Variants in DST observed in about 807,000 individuals in gnomAD.
DST encodes dystonin.
In DST, 253 loss-of-function variants were observed where a neutral mutation model predicts 875.2. The observed-to-expected ratio is 0.29, with a 90% confidence interval of 0.26 to 0.32. The LOEUF (loss-of-function observed/expected upper bound fraction) is 0.32, where lower values mean the gene tolerates loss of function less well. Among genes scored for constraint, DST ranks in the 10% least tolerant of loss-of-function variants. The pLI is 1.00. For synonymous variants in DST, 3,124 were observed against 3,197.1 expected (o/e 0.98, Z 0.77); for missense variants, 8,287 against 9,111.6 (o/e 0.91, Z 3.68).
At chr6:56,572,547 A>G (rs1447461726) in intron 52 of DST, among the ~76,000 whole-genome samples, 200 bp downstream of exon 52, 2 of 152,238 alleles carry the variant, frequency 1.3e-5, no homozygotes, top group Non-Finnish European at 2.9e-5. Context: ...CATGTGATAA[A>G]TGATATTTAT....
At chr6:56,735,884 A>T (rs1175071208) in intron 4 of DST, among the ~76,000 whole-genome samples, 1 of 151,850 alleles carries the variant, frequency 6.6e-6, no homozygotes, top group African/African-American at 2.4e-5. Context: ...ATGGAATCTC[A>T]CTCTGTCACC....
At chr6:56,475,541 G>A (rs765233433) in intron 92 of DST, among the ~76,000 whole-genome samples, 39 of 152,158 alleles carry the variant, frequency 2.6e-4, no homozygotes, top group Non-Finnish European at 4.9e-4. Flanking sequence ...ATCAAAGTGA[G>A]TGTGACACCC....
chr6:56,764,589 T>G (rs910483688), intron 4 of DST, among the ~76,000 whole-genome samples: 2 of 152,150 alleles, frequency 1.3e-5, no homozygotes, highest in Admixed American at 6.5e-5. Context: ...ACTGCCTAGC[T>G]GACAGAAGAC....
chr6:56,514,659 G>C (rs1583643425), intron 72 of DST, among the ~76,000 whole-genome samples: 1 of 151,226 alleles, frequency 6.6e-6, no homozygotes, highest in South Asian at 2.1e-4. Flanking sequence ...ATTAGTCTCA[G>C]AGTACATTCT....
intron 68 of DST, among the ~76,000 whole-genome samples, chr6:56,527,184 C>CA (rs2096817992): frequency 6.6e-6 from 1 of 152,014 alleles, no homozygotes; most frequent in Non-Finnish European, 1.5e-5. Context: ...GTATTCCAAC[C>CA]AAATTATGTG....
chr6:56,771,737 A>G (rs1055276591), intron 4 of DST, among the ~76,000 whole-genome samples: 1 of 152,216 alleles, frequency 6.6e-6, no homozygotes, highest in Non-Finnish European at 1.5e-5. Context: ...GAAATCATTA[A>G]CAGTTTTTGG....
chr6:56,641,115 C>CAG (rs145412096), intron 17 of DST, among the ~76,000 whole-genome samples: 11,320 of 142,486 alleles, frequency 0.079, 784 homozygotes, highest in East Asian at 0.24. Context: ...TATTTATGCA[C>CAG]AGAGAGAGAG....
chr6:56,640,250 T>A lies in DST; in HGVS notation c.2383A>T (p.Ile795Phe). 1 of 1,614,208 alleles carries A rather than the reference T, an allele frequency of 6.2e-7. No individual in the cohort carries two copies. Among genetic ancestry groups the A allele is most frequent in the Non-Finnish European group, 8.5e-7 (1 of 1,180,022 alleles). The change falls in exon 18 of 104, where the codon ATC (isoleucine) becomes TTC (phenylalanine). Residue 795 changes from isoleucine to phenylalanine, a missense_variant. Coordinates refer to ENST00000680361, the MANE Select transcript of DST (RefSeq NM_001374736.1). ...NSLQTLKLMQ[I>F]RKPLLKSSLL... ...GAAGACTTTAGAAGGGGTTTTCGGA[T>A]CTGCATCAACTTCAAAGTTTGCAAT...
chr6:56,522,702 G>C (rs2096729032), intron 69 of DST, among the ~76,000 whole-genome samples: 1 of 151,908 alleles, frequency 6.6e-6, no homozygotes, highest in East Asian at 1.9e-4. Context: ...CAATCCAAGG[G>C]CCTTTCTAAC....
Position 56,670,803 on chromosome 6 carries a change from G to C in DST, c.1052C>G (p.Ser351Cys). 6.3e-7 allele frequency: 1 copy of C among 1,582,506 alleles called. No homozygotes were observed. The highest frequency in any genetic ancestry group is 2.3e-5 in the East Asian group (1 of 43,670). Residue 351 changes from serine (S) to cysteine (C), a missense_variant, in exon 10 of 104, where the codon TCT (serine) becomes TGT (cysteine). Physicochemically the swap from Ser to Cys is moderately radical, Grantham distance 112. Around this residue, in one of 10 missense-constraint regions of DST, gnomAD observed 1,160 missense variants for 1,424.3 expected, o/e 0.81. Coordinates refer to ENST00000680361, the MANE Select transcript of DST (RefSeq NM_001374736.1). Reference sequence around the variant, plus strand: ...TGACTCTCCAGTAACATGGATATCAGATATCTAGATATAACAGAAAGTGTT... The same window carrying C: ...TGACTCTCCAGTAACATGGATATCACATATCTAGATATAACAGAAAGTGTT... ...IWTIILHFQI[S>C]DIHVTGESED...
intron 59 of DST, 119 bp downstream of exon 59, chr6:56,557,200 A>C (rs1584863623): frequency 1.2e-6 from 1 of 858,428 alleles, no homozygotes; most frequent in East Asian, 2.5e-5. Flanking sequence ...TTACATATAT[A>C]CTTCAAAGCA....
intron 36 of DST, chr6:56,618,227 T>A (rs1007779163): frequency 6.2e-7 from 1 of 1,614,096 alleles, no homozygotes; most frequent in Non-Finnish European, 8.5e-7. Flanking sequence ...GAATTGGACT[T>A]CTTTGGGTAT....
chr6:56,700,416 T>C (rs1365991467), intron 8 of DST, among the ~76,000 whole-genome samples: 1 of 152,208 alleles, frequency 6.6e-6, no homozygotes, highest in Non-Finnish European at 1.5e-5. Context: ...AAATTTTGTC[T>C]TTTAAAAATA....
At chr6:56,838,732 A>ATG (rs1334124434) in intron 4 of DST, among the ~76,000 whole-genome samples, 2 of 152,344 alleles carry the variant, frequency 1.3e-5, no homozygotes, top group African/African-American at 4.8e-5. Flanking sequence ...TTCTGAACTC[A>ATG]TATACACTCC....
At chr6:56,685,601 G>T (rs996274763) in intron 9 of DST, among the ~76,000 whole-genome samples, 1 of 151,940 alleles carries the variant, frequency 6.6e-6, no homozygotes, top group African/African-American at 2.4e-5. Context: ...GTGAAACCTC[G>T]TCTCTACTAA....
At position 56,607,543 on chromosome 6, in the gene DST, G is replaced by A; in HGVS notation, c.7085C>T (p.Ser2362Phe). 1 of 1,607,386 alleles carries A rather than the reference G, an allele frequency of 6.2e-7. No individual in the cohort carries two copies. The highest frequency in any genetic ancestry group is 8.5e-7 in the Non-Finnish European group (1 of 1,176,254). The change falls in exon 40 of 104, where the codon TCT becomes TTT. Residue 2362 changes from serine to phenylalanine, a missense_variant. By Grantham distance (155) the Ser-to-Phe change is radical (BLOSUM62 -2). Around this residue, in one of 10 missense-constraint regions of DST, gnomAD observed 3,138 missense variants for 3,116.6 expected, o/e 1.01. Transcript: ENST00000680361. ...LADISMLRSDSENILTNYENQ... is the reference protein window; with the variant it reads ...LADISMLRSDFENILTNYENQ... ...TTCATAGTTTGTAAGTATGTTTTCAGAGTCACTTCTAAGCATGCTAATGTC... is the reference window on the plus strand; with the variant it reads ...TTCATAGTTTGTAAGTATGTTTTCAAAGTCACTTCTAAGCATGCTAATGTC...
intron 91 of DST, among the ~76,000 whole-genome samples, chr6:56,476,624 G>A (rs895007147): frequency 6.6e-6 from 1 of 152,164 alleles, no homozygotes; most frequent in African/African-American, 2.4e-5. Flanking sequence ...GAAGGATCAG[G>A]TAAGCTTACT....
chr6:56,633,144 T>G (rs1000757863), intron 27 of DST, 107 bp from the exon 28 acceptor site: 2 of 861,920 alleles, frequency 2.3e-6, no homozygotes, highest in African/African-American at 3.4e-5. Flanking sequence ...CGAATAATCA[T>G]AAATAGGAAC....
intron 9 of DST, among the ~76,000 whole-genome samples, chr6:56,679,530 A>C (rs1022375440): frequency 2.6e-5 from 4 of 151,628 alleles, no homozygotes; most frequent in Middle Eastern, 3.4e-3. Context: ...TGGGAGGCCA[A>C]GGCAAGAGGA....
Sources: allele counts gnomAD v4.1 joint callset (sites outside exome capture counted in the v4.1 genomes callset), GRCh38; gene constraint gnomAD v4.1.1; regional missense constraint gnomAD v4.1.1; transcripts MANE v1.5; gene names NCBI Gene and HGNC (gene_info 2026-07-23, HGNC 2026-07-21).